RBM19: variants seen among roughly 807,000 people sequenced by gnomAD.
RBM19 encodes RNA binding motif protein 19.
A neutral mutation model predicts 116.8 loss-of-function variants in RBM19; 94 were observed. The observed-to-expected ratio is 0.80, with a 90% CI of 0.68 to 0.95. The LOEUF (loss-of-function observed/expected upper bound fraction) is 0.95, where lower values mean the gene tolerates loss of function less well. RBM19 is among the 40% of genes least tolerant of loss of function. The pLI, the probability that RBM19 is intolerant of heterozygous loss-of-function variation, is 0.00. For synonymous variants in RBM19, 475 were observed against 494.1 expected (o/e 0.96, Z 0.51); for missense variants, 1,161 against 1,220.7 (o/e 0.95, Z 0.73).
At chr12:113,964,896 G>C (rs1872746102) in intron 1 of RBM19, among the ~76,000 whole-genome samples, 1 of 151,102 alleles carries the variant, frequency 6.6e-6, no homozygotes, top group South Asian at 2.1e-4. Context: ...TTTGAATTTT[G>C]AAAACTGTGT....
intron 21 of RBM19, among the ~76,000 whole-genome samples, chr12:113,914,478 G>A (rs991820980): frequency 2.0e-5 from 3 of 152,246 alleles, no homozygotes; most frequent in African/African-American, 4.8e-5. Flanking sequence ...GCAAAACACC[G>A]ATGTCTAGAC....
In RBM19 at chr12:113,962,352, C is replaced by T. The variant is rs375722427; in HGVS notation, c.99G>A (p.Leu33=). 32 of 1,614,128 alleles carry T rather than the reference C, an allele frequency of 2.0e-5. No individual in the cohort carries two copies. The highest frequency in any genetic ancestry group is 2.6e-5 in the Non-Finnish European group (31 of 1,180,040). ...GGAACTTGCCATCTTTGGTGAACTT[C>T]AGGCTGCAGTCTGTCAGCGTGCCGA... is the stretch of plus-strand genomic sequence containing the variant. ...AAFGTLTDCS[L]KFTKDGKFRK... Residue 33 remains leucine (L), a synonymous_variant, in exon 2 of 24, where the codon CTG becomes CTA. Transcript: ENST00000261741.
chr12:113,846,055 T>G (rs1876940021), intron 22 of RBM19, among the ~76,000 whole-genome samples: 1 of 152,232 alleles, frequency 6.6e-6, no homozygotes, highest in Non-Finnish European at 1.5e-5. Context: ...CTCGTTGCTG[T>G]TGTTTTGTTA....
intron 21 of RBM19, among the ~76,000 whole-genome samples, chr12:113,873,945 A>G (rs1879480331): frequency 6.6e-6 from 1 of 152,152 alleles, no homozygotes; most frequent in Non-Finnish European, 1.5e-5. Context: ...CACCCTGGAG[A>G]CCTGCTTAGC....
In RBM19 at chr12:113,945,834, A is replaced by G; in HGVS notation, c.1620T>C (p.Phe540=). 1.3e-6 allele frequency: 2 copies of G among 1,558,394 alleles called. No individual in the cohort carries two copies. The highest frequency in any genetic ancestry group is 1.8e-6 in the Non-Finnish European group (2 of 1,129,510). ...CTGGTCGGCCCTTACTCACGTGGTC[A>G]AACACTTGACTCTTGGTGGCGTTGT... ...QKYNATKSQV[F]DHETKGSVAV... The change falls in exon 13 of 24, where the codon TTT becomes TTC. Residue 540 remains phenylalanine (F), a synonymous_variant. Transcript: ENST00000261741.
chr12:113,872,555 G>A (rs868717130), intron 21 of RBM19, among the ~76,000 whole-genome samples: 46 of 113,666 alleles, frequency 4.0e-4, no homozygotes, highest in African/African-American at 1.2e-3. Flanking sequence ...CAGCCGCCCC[G>A]TCCGGGAGGG....
intron 23 of RBM19, among the ~76,000 whole-genome samples, chr12:113,836,320 C>T (rs1875882423): frequency 6.6e-6 from 1 of 152,156 alleles, no homozygotes; most frequent in Non-Finnish European, 1.5e-5. Flanking sequence ...CTTTTGAAAG[C>T]ATCTCTGTCT....
intron 21 of RBM19, among the ~76,000 whole-genome samples, chr12:113,910,421 G>T (rs553575033): frequency 1.3e-5 from 2 of 152,294 alleles, no homozygotes; most frequent in African/African-American, 4.8e-5. Flanking sequence ...AAAAATCCAG[G>T]ACCCCTTGTT....
downstream of RBM19, among the ~76,000 whole-genome samples, chr12:113,819,184 T>C (rs926532004): frequency 1.3e-5 from 2 of 152,294 alleles, no homozygotes; most frequent in South Asian, 4.1e-4. Flanking sequence ...CCCTCCACTC[T>C]GGAAACAGCC....
At chr12:113,954,509 G>A (rs1871743620) in intron 7 of RBM19, among the ~76,000 whole-genome samples, 1 of 152,074 alleles carries the variant, frequency 6.6e-6, no homozygotes, top group Non-Finnish European at 1.5e-5. Context: ...CACCCCATTG[G>A]GGTAGCACCC....
At chr12:113,889,868 T>C (rs1191799735) in intron 21 of RBM19, among the ~76,000 whole-genome samples, 2 of 151,760 alleles carry the variant, frequency 1.3e-5, no homozygotes, top group Non-Finnish European at 2.9e-5. Context: ...ATGCATTCCA[T>C]TGCATTTCAA....
At chr12:113,821,037 C>T (rs535397559), downstream of RBM19, among the ~76,000 whole-genome samples, 7 of 152,298 alleles carry the variant, frequency 4.6e-5, no homozygotes, top group Admixed American at 6.5e-5. Flanking sequence ...GCTTTTGTGA[C>T]GGAGATGCTA....
At chr12:113,912,140 G>A (rs1162318582) in intron 21 of RBM19, among the ~76,000 whole-genome samples, 1 of 152,200 alleles carries the variant, frequency 6.6e-6, no homozygotes. Context: ...TGGCCTCCGG[G>A]AAGGGCCCCA....
intron 21 of RBM19, among the ~76,000 whole-genome samples, chr12:113,866,923 G>A (rs920580342): frequency 2.6e-5 from 4 of 152,234 alleles, no homozygotes; most frequent in African/African-American, 9.6e-5. Flanking sequence ...AAAAACAACA[G>A]AAGGAGTCTG....
intron 23 of RBM19, among the ~76,000 whole-genome samples, chr12:113,838,965 C>T (rs935750265): frequency 6.6e-6 from 1 of 152,234 alleles, no homozygotes; most frequent in African/African-American, 2.4e-5. Flanking sequence ...TACGGTGTCA[C>T]CGGCATCTTC....
chr12:113,866,112 G>A (rs1878790234), intron 21 of RBM19, among the ~76,000 whole-genome samples: 1 of 152,230 alleles, frequency 6.6e-6, no homozygotes, highest in South Asian at 2.1e-4. Context: ...ATTTAATGGA[G>A]GCATATTTAG....
chr12:113,837,391 G>A (rs1186991629), intron 23 of RBM19, among the ~76,000 whole-genome samples: 2 of 152,206 alleles, frequency 1.3e-5, no homozygotes, highest in African/African-American at 4.8e-5. Flanking sequence ...GAAAGTGGGA[G>A]TATTTTTGGC....
At chr12:113,851,965 C>T (rs931685211) in intron 22 of RBM19, among the ~76,000 whole-genome samples, 2 of 151,774 alleles carry the variant, frequency 1.3e-5, no homozygotes, top group African/African-American at 4.8e-5. Context: ...GCAGGAGAAT[C>T]GCTTGAACCG....
At chr12:113,868,900 C>T (rs1329136871) in intron 21 of RBM19, among the ~76,000 whole-genome samples, 4 of 152,324 alleles carry the variant, frequency 2.6e-5, no homozygotes, top group South Asian at 4.1e-4. Flanking sequence ...CGGAGCCAGA[C>T]TTTGGTTCAG....
Sources: gnomAD v4.1 joint callset for allele counts (sites outside exome capture counted in the v4.1 genomes callset) on GRCh38, gnomAD v4.1.1 for gene constraint, MANE v1.5 for transcripts, NCBI Gene and HGNC (gene_info 2026-07-23, HGNC 2026-07-21) for gene names.